GRM5: variants seen among roughly 807,000 people sequenced by gnomAD.
GRM5 encodes metabotropic glutamate receptor 5.
In GRM5, 19 loss-of-function variants were observed where a neutral mutation model predicts 83.1. The observed-to-expected ratio is 0.23, with a 90% confidence interval of 0.16 to 0.34. The LOEUF (loss-of-function observed/expected upper bound fraction) is 0.34, where lower values mean the gene tolerates loss of function less well. Ranked by LOEUF, GRM5 falls within the 10% of genes least tolerant of loss-of-function variation. The pLI is 1.00. For synonymous variants in GRM5, 675 were observed against 633.6 expected (o/e 1.07, Z -0.98); for missense variants, 1,160 against 1,588.3 (o/e 0.73, Z 4.58).
chr11:88,572,930 G>T (rs186036565), intron 7 of GRM5, among the ~76,000 whole-genome samples: 1 of 152,124 alleles, frequency 6.6e-6, no homozygotes, highest in Non-Finnish European at 1.5e-5. Context: ...TCTTGATCAT[G>T]TCAGTGAAAT....
rs147419925 is a variant in GRM5 at position 88,904,435 on chromosome 11, T to C, written c.662-54280A>G. On this transcript the variant is annotated intron_variant, in intron 2 of 9. Coordinates refer to ENST00000305447, the MANE Select transcript of GRM5 (RefSeq NM_001143831.3). Reference sequence around the variant, plus strand: ...CTTCCAATGGGTGACAGCAAACCAATGTCATCCTCTCCTGGAGTCACCATT... The same window carrying C: ...CTTCCAATGGGTGACAGCAAACCAACGTCATCCTCTCCTGGAGTCACCATT... Among the ~76,000 whole-genome samples the C allele has an allele frequency of 8.6e-3, 1,310 of 152,326 alleles. 25 individuals are homozygous for C. Among genetic ancestry groups the C allele is most frequent in the East Asian group, 0.07 (362 of 5,164 alleles).
At chr11:88,928,944 A>T (rs183069764) in intron 2 of GRM5, among the ~76,000 whole-genome samples, 69 of 151,074 alleles carry the variant, frequency 4.6e-4, no homozygotes, top group African/African-American at 1.7e-3. Flanking sequence ...ACACACACAC[A>T]CTCAAGAGTT....
At chr11:88,816,746 C>A (rs1294667081) in intron 3 of GRM5, among the ~76,000 whole-genome samples, 246 of 122,208 alleles carry the variant, frequency 2.0e-3, no homozygotes, top group Middle Eastern at 5.7e-3. Context: ...CAGATTGGTC[C>A]AAAAAAAAAA....
At chr11:88,645,562 T>C (rs184058117) in intron 4 of GRM5, among the ~76,000 whole-genome samples, 1 of 152,208 alleles carries the variant, frequency 6.6e-6, no homozygotes, top group African/African-American at 2.4e-5. Flanking sequence ...TTGAAGAGTT[T>C]TGACTGAGGC....
chr11:89,018,390 T>G (rs1248993779), intron 2 of GRM5, among the ~76,000 whole-genome samples: 1 of 152,194 alleles, frequency 6.6e-6, no homozygotes, highest in Admixed American at 6.5e-5. Flanking sequence ...TCATTGTTCT[T>G]TTCAACATCA....
At chr11:89,061,840 G>A (rs1462963856) in intron 1 of GRM5, among the ~76,000 whole-genome samples, 3 of 152,226 alleles carry the variant, frequency 2.0e-5, no homozygotes, top group African/African-American at 7.2e-5. Context: ...TGAGTGTGTA[G>A]CCCGCAGCCA....
At chr11:89,022,933 G>A (rs1161695995) in intron 2 of GRM5, among the ~76,000 whole-genome samples, 2 of 152,182 alleles carry the variant, frequency 1.3e-5, no homozygotes, top group Non-Finnish European at 2.9e-5. Context: ...TAGGAAATCT[G>A]TTTAAAATGT....
chr11:88,564,413 A>C (rs1392605223), intron 8 of GRM5, among the ~76,000 whole-genome samples: 1 of 152,240 alleles, frequency 6.6e-6, no homozygotes, highest in African/African-American at 2.4e-5. Context: ...TTATTAAATT[A>C]GAAACAAAAC....
chr11:88,758,602 C>G (rs1328006595), intron 3 of GRM5, among the ~76,000 whole-genome samples: 1 of 151,988 alleles, frequency 6.6e-6, no homozygotes, highest in African/African-American at 2.4e-5. Flanking sequence ...GTAAAGGGAC[C>G]AAATCTAAGA....
chr11:88,975,826 A>C (rs1393934210), intron 2 of GRM5, among the ~76,000 whole-genome samples: 5 of 152,220 alleles, frequency 3.3e-5, no homozygotes, highest in African/African-American at 9.6e-5. Flanking sequence ...TAGGCTTTGA[A>C]GCCAAACATT....
At position 88,551,513 on chromosome 11, in the gene GRM5, C is replaced by G. The variant is rs181519258; in HGVS notation, c.2630+15540G>C. Among the ~76,000 whole-genome samples, 72 of 152,218 alleles carry G rather than the reference C, an allele frequency of 4.7e-4. 1 individual carries two copies. The highest frequency in any genetic ancestry group is 3.4e-3 in the Middle Eastern group (1 of 294). On this transcript the variant is annotated intron_variant, in intron 8 of 9. Coordinates refer to ENST00000305447, the MANE Select transcript of GRM5 (RefSeq NM_001143831.3). ...AAAGGCTACGTGCCCCTTCACAATT[C>G]TTTTTTCCCCCTCCAGAAATGGGAT...
intron 3 of GRM5, among the ~76,000 whole-genome samples, chr11:88,719,486 A>T (rs1941483307): frequency 6.6e-6 from 1 of 151,952 alleles, no homozygotes; most frequent in Non-Finnish European, 1.5e-5. Flanking sequence ...GGTTGATTCC[A>T]TGTCTTTTCT....
At chr11:88,734,312 A>G (rs1358191448) in intron 3 of GRM5, among the ~76,000 whole-genome samples, 1 of 152,030 alleles carries the variant, frequency 6.6e-6, no homozygotes, top group Non-Finnish European at 1.5e-5. Context: ...ACCTGTTATT[A>G]TTATGTTTTA....
intron 7 of GRM5, among the ~76,000 whole-genome samples, chr11:88,587,250 G>C (rs1382910490): frequency 6.6e-6 from 1 of 152,126 alleles, no homozygotes; most frequent in Non-Finnish European, 1.5e-5. Context: ...CATAGAGAAA[G>C]TAACACCTGA....
intron 3 of GRM5, among the ~76,000 whole-genome samples, chr11:88,666,605 G>A (rs796172825): frequency 1.3e-5 from 2 of 152,258 alleles, no homozygotes; most frequent in African/African-American, 4.8e-5. Context: ...GAGTTTTATT[G>A]AGAACAAACA....
intron 2 of GRM5, among the ~76,000 whole-genome samples, chr11:88,918,311 A>G (rs1359309458): frequency 6.6e-6 from 1 of 152,088 alleles, no homozygotes; most frequent in Admixed American, 6.6e-5. Flanking sequence ...TTCCCCTGGC[A>G]AAGAAATATA....
intron 2 of GRM5, among the ~76,000 whole-genome samples, chr11:88,897,982 G>A (rs11021661): frequency 0.023 from 3,435 of 151,964 alleles, 112 homozygotes; most frequent in African/African-American, 0.079. Flanking sequence ...AATAAAACAG[G>A]TGCCTTAGAA....
chr11:88,630,125 G>A (rs988775711), intron 4 of GRM5, among the ~76,000 whole-genome samples: 3 of 152,000 alleles, frequency 2.0e-5, no homozygotes, highest in Non-Finnish European at 2.9e-5. Context: ...TTTATACAAA[G>A]TTTCTCTCTT....
At chr11:88,838,490 T>A (rs1944134810) in intron 3 of GRM5, among the ~76,000 whole-genome samples, 1 of 152,182 alleles carries the variant, frequency 6.6e-6, no homozygotes, top group South Asian at 2.1e-4. Flanking sequence ...GTCCTGTCTG[T>A]GACTGTGGGG....
Sources: gnomAD v4.1 joint callset for allele counts (sites outside exome capture counted in the v4.1 genomes callset) on GRCh38, gnomAD v4.1.1 for gene constraint, MANE v1.5 for transcripts, NCBI Gene and HGNC (gene_info 2026-07-23, HGNC 2026-07-21) for gene names.